The following TUBA1C variants were observed in gnomAD, a reference collection of about 807,000 sequenced individuals.
The protein encoded by TUBA1C is tubulin alpha 1c.
In TUBA1C, 16 loss-of-function variants were observed where a neutral mutation model predicts 34.9. The observed-to-expected ratio is 0.46, with a 90% CI of 0.31 to 0.70. The LOEUF (loss-of-function observed/expected upper bound fraction) is 0.70, where lower values mean the gene tolerates loss of function less well. Among genes scored for constraint, TUBA1C ranks in the 30% least tolerant of loss-of-function variants. The probability of loss-of-function intolerance (pLI) is 0.05; values close to 1 mark genes in which losing one functional copy is unlikely to be tolerated. For synonymous variants in TUBA1C, 177 were observed against 215.9 expected (o/e 0.82, Z 1.58); for missense variants, 329 against 587.3 (o/e 0.56, Z 4.55).
In TUBA1C at chr12:49,272,288, T is replaced by A; in HGVS notation, c.411T>A (p.Val137=). 6.2e-7 allele frequency: 1 copy of A among 1,613,410 alleles called. No individual in the cohort carries two copies. The highest frequency in any genetic ancestry group is 8.5e-7 in the Non-Finnish European group (1 of 1,179,638). Residue 137 remains valine (V), a synonymous_variant, in exon 4 of 4, where the codon GTT becomes GTA. Coordinates refer to ENST00000301072, the MANE Select transcript of TUBA1C (RefSeq NM_032704.5). ...DQCTGLQGFL[V]FHSFGGGTGS... is the part of the protein sequence containing the mutation. ...GCACCGGTCTTCAGGGCTTCTTGGT[T>A]TTCCACAGCTTTGGTGGGGGAACTG...
At chr12:49,265,911 T>TTGGGAGGCTGA (rs1165156819) in intron 1 of TUBA1C, among the ~76,000 whole-genome samples, 5 of 148,940 alleles carry the variant, frequency 3.4e-5, no homozygotes, top group East Asian at 2.0e-4. Flanking sequence ...TCCCAGCACT[T>TTGGGAGGCTGA]GTTCGAGACA....
At chr12:49,269,803 C>A (rs11503616) in intron 2 of TUBA1C, 25 bp from the exon 3 acceptor site, 12 of 1,607,802 alleles carry the variant, frequency 7.5e-6, no homozygotes, top group Non-Finnish European at 1.0e-5. Context: ...TGTCCCTCCT[C>A]CTCCTCCCCC....
At chr12:49,255,405 A>AATATATATATAT (rs142218984) in intron 1 of TUBA1C, among the ~76,000 whole-genome samples, 53 of 141,304 alleles carry the variant, frequency 3.8e-4, no homozygotes, top group African/African-American at 1.3e-3. Context: ...ATCTTTAAAA[A>AATATATATATAT]ATATATATAT....
intron 1 of TUBA1C, among the ~76,000 whole-genome samples, chr12:49,259,049 G>A (rs780579543): frequency 8.6e-5 from 13 of 151,806 alleles, no homozygotes; most frequent in African/African-American, 2.4e-4. Context: ...GTGAGCCACC[G>A]CACCCGGCCA....
intron 1 of TUBA1C, among the ~76,000 whole-genome samples, chr12:49,242,758 G>A (rs1272661847): frequency 6.6e-6 from 1 of 152,126 alleles, no homozygotes; most frequent in African/African-American, 2.4e-5. Context: ...AAAGTGCTGG[G>A]AATACAGGTA....
chr12:49,257,685 G>A (rs1278922585), intron 1 of TUBA1C, among the ~76,000 whole-genome samples: 8 of 151,846 alleles, frequency 5.3e-5, no homozygotes, highest in Admixed American at 3.3e-4. Context: ...AAGCTAAGGC[G>A]AGAGGATTGC....
intron 1 of TUBA1C, among the ~76,000 whole-genome samples, chr12:49,245,445 T>TA (rs1280342146): frequency 2.0e-5 from 3 of 151,906 alleles, no homozygotes; most frequent in African/African-American, 7.3e-5. Context: ...TCACAAAAAA[T>TA]AAAAATAAAA....
chr12:49,245,331 T>A (rs1224108450), intron 1 of TUBA1C, among the ~76,000 whole-genome samples: 1 of 152,210 alleles, frequency 6.6e-6, no homozygotes, highest in African/African-American at 2.4e-5. Context: ...CCAGGCACGG[T>A]GGCTCACACC....
upstream of TUBA1C, among the ~76,000 whole-genome samples, chr12:49,261,577 C>T (rs781443124): frequency 6.6e-6 from 1 of 152,256 alleles, no homozygotes; most frequent in South Asian, 2.1e-4. Context: ...AAAAACTCTA[C>T]CAAGGCACTA....
chr12:49,263,023 C>CT (rs758187649), upstream of TUBA1C, among the ~76,000 whole-genome samples: 28,724 of 117,092 alleles, frequency 0.25, 4,808 homozygotes, highest in East Asian at 0.6. Context: ...GAGAATTACT[C>CT]TTTTTTTTTT....
intron 1 of TUBA1C, among the ~76,000 whole-genome samples, chr12:49,243,443 G>GA (rs572466950): frequency 5.3e-5 from 8 of 150,746 alleles, no homozygotes; most frequent in South Asian, 2.1e-4. Flanking sequence ...TCCATCTCCA[G>GA]AAAAAAAAAG....
intron 3 of TUBA1C, among the ~76,000 whole-genome samples, chr12:49,272,022 C>T (rs1356208162): frequency 2.0e-5 from 3 of 149,882 alleles, no homozygotes; most frequent in Non-Finnish European, 4.4e-5. Flanking sequence ...GGCTGGAGTG[C>T]AGTGGCCTGA....
At chr12:49,254,695 A>C (rs192390198) in intron 1 of TUBA1C, among the ~76,000 whole-genome samples, 2 of 152,164 alleles carry the variant, frequency 1.3e-5, no homozygotes, top group Non-Finnish European at 2.9e-5. Context: ...TGGAGGCTTC[A>C]TCACGTAGGC....
chr12:49,265,943 C>T (rs966978313), intron 1 of TUBA1C, among the ~76,000 whole-genome samples: 23 of 138,376 alleles, frequency 1.7e-4, no homozygotes, highest in Non-Finnish European at 2.7e-4. Flanking sequence ...CATGGTGAAA[C>T]CCCGTCTCTA....
intron 1 of TUBA1C, among the ~76,000 whole-genome samples, chr12:49,249,044 T>G (rs1942705958): frequency 6.6e-6 from 1 of 151,984 alleles, no homozygotes; most frequent in Non-Finnish European, 1.5e-5. Flanking sequence ...ATATCAAAAT[T>G]TATGGGAAGC....
rs1473251355 is a variant in TUBA1C at position 49,273,481 on chromosome 12, C to T, written c.*254C>T. The T allele has an allele frequency of 5.4e-6, 3 of 554,808 alleles. No homozygotes were observed. The highest frequency in any genetic ancestry group is 3.8e-5 in the African/African-American group (2 of 52,662). The allele number at this position is 554,808 out of a possible 1,614,324, so 34.4% of individuals were successfully genotyped here. A position where few individuals can be genotyped will look rare whatever the true frequency, so the allele number is the denominator to read the frequency against. On this transcript the variant is annotated 3_prime_UTR_variant, in exon 4 of 4. Transcript: ENST00000301072. ...CATAGCTCATTGCAGCCTCGAGCTCCTGGACTCATGTGATTCTCCTGCTTC... is the reference window on the plus strand; with the variant it reads ...CATAGCTCATTGCAGCCTCGAGCTCTTGGACTCATGTGATTCTCCTGCTTC...
At chr12:49,269,710 A>T in intron 2 of TUBA1C, 23 bp downstream of exon 2, 1 of 1,613,258 alleles carries the variant, frequency 6.2e-7, no homozygotes. Context: ...CAGTAACCCA[A>T]GTGAGATCCC....
At chr12:49,237,842 C>A (rs1319267776) in intron 1 of TUBA1C, among the ~76,000 whole-genome samples, 1 of 151,726 alleles carries the variant, frequency 6.6e-6, no homozygotes, top group Non-Finnish European at 1.5e-5. Context: ...GGTGCAGTGG[C>A]TCACACCTGT....
At chr12:49,241,085 C>T (rs141138156) in intron 1 of TUBA1C, among the ~76,000 whole-genome samples, 18 of 151,938 alleles carry the variant, frequency 1.2e-4, no homozygotes, top group African/African-American at 4.1e-4. Flanking sequence ...TATTTTTAGT[C>T]GAGACAGGGT....
Sources: allele counts gnomAD v4.1 joint callset (sites outside exome capture counted in the v4.1 genomes callset), GRCh38; gene constraint gnomAD v4.1.1; transcripts MANE v1.5; gene names NCBI Gene and HGNC (gene_info 2026-07-23, HGNC 2026-07-21).